Variants in TRERF1 observed in about 807,000 individuals in gnomAD.
TRERF1 encodes the protein transcriptional regulating factor 1.
In TRERF1, 27 loss-of-function variants were observed where a neutral mutation model predicts 122.9. That is an observed-to-expected ratio of 0.22 (90% CI 0.16 to 0.30). The LOEUF (loss-of-function observed/expected upper bound fraction) is 0.30. Ranked by LOEUF, TRERF1 falls within the 10% of genes least tolerant of loss-of-function variation. The pLI, the probability that TRERF1 is intolerant of heterozygous loss-of-function variation, is 1.00. For missense variants in TRERF1, 1,248 were observed against 1,560.3 expected (o/e 0.80, Z 3.37); for synonymous variants, 636 against 641.7 (o/e 0.99, Z 0.13).
At chr6:42,422,504 C>CAAA (rs70987594) in intron 2 of TRERF1, among the ~76,000 whole-genome samples, 11 of 120,680 alleles carry the variant, frequency 9.1e-5, no homozygotes, top group South Asian at 2.6e-4. Flanking sequence ...ACCCTGTCTC[C>CAAA]AAAAAAAAAA....
At chr6:42,377,751 C>G (rs550194617) in intron 2 of TRERF1, among the ~76,000 whole-genome samples, 1 of 152,298 alleles carries the variant, frequency 6.6e-6, no homozygotes, top group Non-Finnish European at 1.5e-5. Flanking sequence ...AGCCCTGAAT[C>G]TCACAGGCCA....
intron 2 of TRERF1, among the ~76,000 whole-genome samples, chr6:42,402,916 G>A (rs999915546): frequency 6.6e-6 from 1 of 152,086 alleles, no homozygotes; most frequent in Non-Finnish European, 1.5e-5. Context: ...ATTAAGTGGG[G>A]AGCCTGGACT....
chr6:42,362,658 C>A (rs1368267793), intron 3 of TRERF1, among the ~76,000 whole-genome samples: 1 of 152,206 alleles, frequency 6.6e-6, no homozygotes, highest in Non-Finnish European at 1.5e-5. Context: ...CCCACAGTGG[C>A]CTTCTACACC....
chr6:42,357,069 G>A (rs1040760349), intron 3 of TRERF1, among the ~76,000 whole-genome samples: 10 of 152,022 alleles, frequency 6.6e-5, no homozygotes, highest in South Asian at 4.2e-4. Flanking sequence ...GGTGACTCAC[G>A]CCTGTAATCC....
rs1290742393 is a variant in TRERF1 at position 42,232,971 on chromosome 6, T to C, written c.3067-79A>G. 6.8e-7 allele frequency: 1 copy of C among 1,475,358 alleles called. No homozygotes were observed. The highest frequency in any genetic ancestry group is 2.2e-5 in the Admixed American group (1 of 45,310). The allele number at this position is 1,475,358 out of a possible 1,614,324, so 91.4% of individuals were successfully genotyped here. A position where few individuals can be genotyped will look rare whatever the true frequency, so the allele number is the denominator to read the frequency against. The stretch of plus-strand genomic sequence containing the variant: ...GTTATTAGTTACTCAGTGGTAAACA[T>C]GGAATACTTGAAACTGTCTAATGAC... On this transcript the variant is annotated intron_variant, in intron 16 of 17. Coordinates refer to ENST00000372922, the Ensembl canonical transcript of TRERF1. This position sits in a 1 kb window ranked among gnomAD's most constrained non-coding sequence, Gnocchi z 4.5.
Position 42,268,076 on chromosome 6 carries a change from A to G in TRERF1, c.1437+78T>C. ...ACAAAAGGGTTGAGGGGGCTTGGAG[A>G]GAGGATTGAGCACTGCAGACTCAGC... On this transcript the variant is annotated intron_variant, in intron 5 of 17. Coordinates refer to ENST00000372922, the Ensembl canonical transcript of TRERF1. This position sits in a 1 kb window ranked among gnomAD's most constrained non-coding sequence, Gnocchi z 4.4. 1 of 1,353,446 alleles carries G rather than the reference A, an allele frequency of 7.4e-7. No individual in the cohort carries two copies. Among genetic ancestry groups the G allele is most frequent in the Non-Finnish European group, 9.6e-7 (1 of 1,044,088 alleles). The allele number at this position is 1,353,446 out of a possible 1,614,324, so 83.8% of individuals were successfully genotyped here. A position where few individuals can be genotyped will look rare whatever the true frequency, so the allele number is the denominator to read the frequency against.
rs993239092 is a variant in TRERF1 at position 42,268,012 on chromosome 6, G to A, written c.1437+142C>T. 1.7e-5 allele frequency: 18 copies of A among 1,042,862 alleles called. No homozygotes were observed. Among genetic ancestry groups the A allele is most frequent in the Admixed American group, 6.6e-5 (2 of 30,518 alleles). 64.6% of individuals were successfully genotyped at this position (1,042,862 alleles called of 1,614,324 possible). ...TCCAAGTGCTTGGCACAGACAGTGC[G>A]TGACACATGTAGGTTAATGTTTGTG... On this transcript the variant is annotated intron_variant, in intron 5 of 17. Transcript: ENST00000372922. This position sits in a 1 kb window ranked among gnomAD's most constrained non-coding sequence, Gnocchi z 4.4.
intron 2 of TRERF1, among the ~76,000 whole-genome samples, chr6:42,387,397 A>G (rs1776987102): frequency 1.3e-5 from 2 of 152,130 alleles, no homozygotes; most frequent in Admixed American, 1.3e-4. Flanking sequence ...TTCTTTCCCT[A>G]TTCTGTAGCC....
chr6:42,349,730 A>C (rs1769034160), intron 3 of TRERF1, among the ~76,000 whole-genome samples: 1 of 152,166 alleles, frequency 6.6e-6, no homozygotes, highest in African/African-American at 2.4e-5. Context: ...TAAGCCAAAG[A>C]ATTAGTGTCT....
intron 5 of TRERF1, among the ~76,000 whole-genome samples, chr6:42,266,270 C>G (rs1779169745): frequency 6.6e-6 from 1 of 150,884 alleles, no homozygotes; most frequent in African/African-American, 2.4e-5. Flanking sequence ...CTCACTGCAG[C>G]CTCCACCACC....
intron 16 of TRERF1, among the ~76,000 whole-genome samples, chr6:42,233,786 G>A (rs750711252): frequency 2.0e-5 from 3 of 152,136 alleles, no homozygotes; most frequent in Non-Finnish European, 2.9e-5. Flanking sequence ...TATCTACCCC[G>A]AGGAAGCCCT....
rs1333357790 is a variant in TRERF1 at position 42,268,519 on chromosome 6, A to C, written c.1072T>G (p.Tyr358Asp). The change falls in exon 5 of 18, where the codon TAT becomes GAT. Residue 358 changes from tyrosine (Y) to aspartate (D), a missense_variant. By Grantham distance (160) the Tyr-to-Asp change is radical. Coordinates refer to ENST00000372922, the Ensembl canonical transcript of TRERF1. The surrounding 1 kb of genome is among the most constrained non-coding windows in gnomAD (Gnocchi z 4.4). ...ACAGTGTGTGCCTGCTCTGGGGTAT[A>C]CTGGTGAGGGTCCCTGTGATAAGAA... 1 of 1,613,770 alleles carries C rather than the reference A, an allele frequency of 6.2e-7. No homozygotes were observed. The highest frequency in any genetic ancestry group is 1.3e-5 in the African/African-American group (1 of 74,850).
At chr6:42,299,884 CGAATGG>C (rs1785847792) in intron 4 of TRERF1, among the ~76,000 whole-genome samples, 1 of 152,170 alleles carries the variant, frequency 6.6e-6, no homozygotes, top group Non-Finnish European at 1.5e-5. Flanking sequence ...CACTGAAGAA[CGAATGG>C]TGAATGAATG....
intron 2 of TRERF1, among the ~76,000 whole-genome samples, chr6:42,450,636 T>A (rs1397067859): frequency 6.6e-6 from 1 of 151,482 alleles, no homozygotes; most frequent in Non-Finnish European, 1.5e-5. Context: ...GGTGAAGGAG[T>A]GGTTTGGTTG....
Position 42,434,902 on chromosome 6 carries a change from C to T in TRERF1, c.-454+16275G>A, listed in dbSNP as rs182068525. On this transcript the variant is annotated intron_variant, in intron 2 of 17. Transcript: ENST00000372922. ...CAGCACTTTGGGAGGCCAAGGCGGG[C>T]GGATCACCTGAGGTCAGGAGTTCAA... Among the ~76,000 whole-genome samples, 606 of 151,802 alleles carry T rather than the reference C, an allele frequency of 4.0e-3. 7 individuals are homozygous for T. Among genetic ancestry groups the T allele is most frequent in the African/African-American group, 0.012 (484 of 41,222 alleles).
chr6:42,335,336 A>G (rs1765942751), intron 3 of TRERF1, among the ~76,000 whole-genome samples: 2 of 152,240 alleles, frequency 1.3e-5, no homozygotes, highest in Non-Finnish European at 2.9e-5. Flanking sequence ...CAGTAACAGC[A>G]GCAGCCAACC....
chr6:42,334,092 T>C (rs1156446302), intron 3 of TRERF1, among the ~76,000 whole-genome samples: 1 of 151,922 alleles, frequency 6.6e-6, no homozygotes, highest in East Asian at 1.9e-4. Context: ...AATATATATA[T>C]GTGTGTGTGT....
At chr6:42,235,179 A>C (rs1399131446) in intron 16 of TRERF1, among the ~76,000 whole-genome samples, 2 of 152,142 alleles carry the variant, frequency 1.3e-5, no homozygotes, top group Admixed American at 6.5e-5. Context: ...TTCTCCATCT[A>C]AGTGACAGGT....
chr6:42,230,376 AATAG>A (rs1562097741), intron 17 of TRERF1, among the ~76,000 whole-genome samples: 1 of 152,108 alleles, frequency 6.6e-6, no homozygotes. Context: ...AAAAACATTT[AATAG>A]ATGCTACTGA....
Sources: allele counts gnomAD v4.1 joint callset (sites outside exome capture counted in the v4.1 genomes callset), GRCh38; gene constraint gnomAD v4.1.1; non-coding constraint Gnocchi (gnomAD v3.1); transcripts MANE v1.5; gene names NCBI Gene and HGNC (gene_info 2026-07-23, HGNC 2026-07-21).